Variants in YIPF5 observed in about 807,000 individuals in gnomAD.
YIPF5 encodes Yip1 domain family member 5.
A neutral mutation model predicts 30.4 loss-of-function variants in YIPF5; 8 were observed. The observed-to-expected ratio is 0.26, with a 90% CI of 0.15 to 0.47. The LOEUF (loss-of-function observed/expected upper bound fraction) is 0.47, where lower values mean the gene tolerates loss of function less well. Among genes scored for constraint, YIPF5 ranks in the 20% least tolerant of loss-of-function variants. The probability of loss-of-function intolerance (pLI) is 0.99; values close to 1 mark genes in which losing one functional copy is unlikely to be tolerated. For synonymous variants in YIPF5, 104 were observed against 107.9 expected (o/e 0.96, Z 0.23); for missense variants, 282 against 301.8 (o/e 0.93, Z 0.49).
chr5:144,164,090 A>G, intron 4 of YIPF5, 21 bp downstream of exon 4: 2 of 1,606,110 alleles, frequency 1.2e-6, no homozygotes, highest in Non-Finnish European at 1.7e-6. Flanking sequence ...TGCACCCTGA[A>G]GGTTGAAATG....
Position 144,158,969 on chromosome 5 carries a change from A to AAGTT in YIPF5, c.*1427_*1428insAACT, listed in dbSNP as rs1163930152. 2 of 985,136 alleles carry AAGTT rather than the reference A, an allele frequency of 2.0e-6. No individual in the cohort carries two copies. The highest frequency in any genetic ancestry group is 1.1e-4 in the East Asian group (1 of 8,808). 61.0% of individuals were successfully genotyped at this position (985,136 alleles called of 1,614,324 possible). On this transcript the variant is annotated 3_prime_UTR_variant, in exon 6 of 6. Transcript: ENST00000274496. ...CCTGTACCATATCTTTCTCGTAACT[A>AAGTT]TAACTGAGCTTTGTCCAGAATCAGA...
chr5:144,169,863 A>G lies in YIPF5; in HGVS notation c.93T>C (p.Ser31=). Residue 31 remains serine, a synonymous_variant, in exon 2 of 6, where the codon AGT becomes AGC. Transcript: ENST00000274496. ...AAAGTTACTTGCTATAGGGTCCTCC[A>G]CTTCCTCCATAATCATAGGACTGCT... ...QSQQSYDYGG[S]GGPYSKQYAG... The G allele has an allele frequency of 1.2e-6, 2 of 1,614,112 alleles. No homozygotes were observed. The highest frequency in any genetic ancestry group is 1.7e-6 in the Non-Finnish European group (2 of 1,179,950).
At position 144,160,032 on chromosome 5, in the gene YIPF5, T is replaced by C. The variant is rs1472508809; in HGVS notation, c.*365A>G. On this transcript the variant is annotated 3_prime_UTR_variant, in exon 6 of 6. Coordinates refer to ENST00000274496, the MANE Select transcript of YIPF5 (RefSeq NM_030799.9). ...CGTCTTGTGTCTTCTTTACTGTGAC[T>C]GGGTCGTTTTTAAGAAAGGTTATCA... is the stretch of plus-strand genomic sequence containing the variant. The C allele has an allele frequency of 5.0e-6, 5 of 994,578 alleles. No homozygotes were observed. The highest frequency in any genetic ancestry group is 6.0e-6 in the Non-Finnish European group (5 of 836,204). The allele number at this position is 994,578 out of a possible 1,614,324, so 61.6% of individuals were successfully genotyped here. A position where few individuals can be genotyped will look rare whatever the true frequency, so the allele number is the denominator to read the frequency against.
At chr5:144,170,144 T>C in intron 1 of YIPF5, 179 bp from the exon 2 acceptor site, 1 of 596,874 alleles carries the variant, frequency 1.7e-6, no homozygotes, top group Non-Finnish European at 3.0e-6. Context: ...AGTAAGAAAA[T>C]GTATATTCTT....
rs1399395791 is a variant in YIPF5 at position 144,159,499 on chromosome 5, A to G, written c.*898T>C. The G allele has an allele frequency of 7.1e-6, 7 of 980,362 alleles. No individual in the cohort carries two copies. Among genetic ancestry groups the G allele is most frequent in the Admixed American group, 6.6e-5 (1 of 15,058 alleles). The allele number at this position is 980,362 out of a possible 1,614,324, so 60.7% of individuals were successfully genotyped here. On this transcript the variant is annotated 3_prime_UTR_variant, in exon 6 of 6. Coordinates refer to ENST00000274496, the MANE Select transcript of YIPF5 (RefSeq NM_030799.9). ...TAAGTGTTCGCATTTCATGTCTACA[A>G]TAAGGTAGATTGTGAACTTCCCGTA...
chr5:144,165,833 C>T (rs765699215), intron 2 of YIPF5, among the ~76,000 whole-genome samples: 14 of 151,926 alleles, frequency 9.2e-5, no homozygotes, highest in Non-Finnish European at 1.0e-4. Context: ...CTTAATGATA[C>T]CAATATTCAC....
At chr5:144,167,085 C>T (rs1752223947) in intron 2 of YIPF5, among the ~76,000 whole-genome samples, 1 of 152,046 alleles carries the variant, frequency 6.6e-6, no homozygotes, top group African/African-American at 2.4e-5. Context: ...TCTCAAGGAC[C>T]CTCTGTAGTC....
intron 3 of YIPF5, among the ~76,000 whole-genome samples, chr5:144,164,700 C>A (rs1752153162): frequency 6.6e-6 from 1 of 151,974 alleles, no homozygotes; most frequent in Non-Finnish European, 1.5e-5. Context: ...CGTGCCTGGC[C>A]TGGATGATAT....
At chr5:144,170,509 C>T (rs1752347745) in intron 1 of YIPF5, 26 bp downstream of exon 1, 5 of 156,230 alleles carry the variant, frequency 3.2e-5, no homozygotes, top group Admixed American at 3.2e-4. Flanking sequence ...AAGCTGAACA[C>T]TGTGCCACGG....
chr5:144,164,112 A>G lies in YIPF5; in HGVS notation c.428T>C (p.Leu143Pro), dbSNP rs1311168039. The change falls in exon 4 of 6, where the codon CTG becomes CCG. Residue 143 changes from leucine (L) to proline (P), a missense_variant and splice_region_variant. Transcript: ENST00000274496. Reference protein sequence around the residue: ...FCLAFGATLLLAGKIQFGYVY... With the variant: ...FCLAFGATLLPAGKIQFGYVY... Reference sequence around the variant, plus strand: ...TGAAGGTTGAAATGAAAATCTTACCAGTAGCAATGTGGCTCCAAAAGCAAG... The same window carrying G: ...TGAAGGTTGAAATGAAAATCTTACCGGTAGCAATGTGGCTCCAAAAGCAAG... 1 of 1,610,790 alleles carries G rather than the reference A, an allele frequency of 6.2e-7. No homozygotes were observed. Among genetic ancestry groups the G allele is most frequent in the African/African-American group, 1.3e-5 (1 of 74,734 alleles).
chr5:144,168,435 T>C (rs1046816164), intron 2 of YIPF5, among the ~76,000 whole-genome samples: 3 of 152,194 alleles, frequency 2.0e-5, no homozygotes, highest in Non-Finnish European at 4.4e-5. Context: ...CGAAGCTGTG[T>C]TGCTGCTTTA....
chr5:144,160,078 C>A lies in YIPF5; in HGVS notation c.*319G>T. On this transcript the variant is annotated 3_prime_UTR_variant, in exon 6 of 6. Coordinates refer to ENST00000274496, the MANE Select transcript of YIPF5 (RefSeq NM_030799.9). ...TATCAGCTTTGTGTTTGGTTTCCCA[C>A]AGTTGATAAAAATCTATCAAAAACA... 9.8e-7 allele frequency: 1 copy of A among 1,019,896 alleles called. No homozygotes were observed. Among genetic ancestry groups the A allele is most frequent in the Non-Finnish European group, 1.2e-6 (1 of 853,144 alleles). The allele number at this position is 1,019,896 out of a possible 1,614,324, so 63.2% of individuals were successfully genotyped here.
At chr5:144,161,321 T>A (rs1485673308) in intron 5 of YIPF5, among the ~76,000 whole-genome samples, 2 of 145,064 alleles carry the variant, frequency 1.4e-5, no homozygotes, top group East Asian at 4.1e-4. Context: ...CGGTAATGTA[T>A]ACCTTTCCTT....
rs1167522189 is a variant in YIPF5 at position 144,159,495 on chromosome 5, T to C, written c.*902A>G. 5 of 980,372 alleles carry C rather than the reference T, an allele frequency of 5.1e-6. No homozygotes were observed. The South Asian group carries it at 1.9e-4, about 37-fold the overall frequency. The allele number at this position is 980,372 out of a possible 1,614,324, so 60.7% of individuals were successfully genotyped here. On this transcript the variant is annotated 3_prime_UTR_variant, in exon 6 of 6. Coordinates refer to ENST00000274496, the MANE Select transcript of YIPF5 (RefSeq NM_030799.9). ...TAAGTAAGTGTTCGCATTTCATGTC[T>C]ACAATAAGGTAGATTGTGAACTTCC...
chr5:144,158,270 CTA>C lies in YIPF5; in HGVS notation c.*2125_*2126del, dbSNP rs1580751150. On this transcript the variant is annotated 3_prime_UTR_variant, in exon 6 of 6. Transcript: ENST00000274496. The stretch of plus-strand genomic sequence containing the variant: ...ATACAACTCTGCATGTAATCAAACT[CTA>C]GAACATCAAATGCAACTCCACTGCA... 1 of 469,420 alleles carries C rather than the reference CTA, an allele frequency of 2.1e-6. No homozygotes were observed. Among genetic ancestry groups the C allele is most frequent in the East Asian group, 8.8e-5 (1 of 11,420 alleles). The allele number at this position is 469,420 out of a possible 1,614,324, so 29.1% of individuals were successfully genotyped here. A position where few individuals can be genotyped will look rare whatever the true frequency, so the allele number is the denominator to read the frequency against.
chr5:144,162,197 A>T, intron 5 of YIPF5, 21 bp downstream of exon 5: 1 of 1,606,610 alleles, frequency 6.2e-7, no homozygotes, highest in African/African-American at 1.3e-5. Flanking sequence ...ATCAACCCCC[A>T]AAATAAAGAA....
Position 144,158,415 on chromosome 5 carries a change from GT to G in YIPF5, c.*1981del, listed in dbSNP as rs1218476255. ...CTCTACAATAATTTAAACTAAAAAT[GT>G]TGTTGAGGATAGGGTAAACAACAAA... is the stretch of plus-strand genomic sequence containing the variant. On this transcript the variant is annotated 3_prime_UTR_variant, in exon 6 of 6. Coordinates refer to ENST00000274496, the MANE Select transcript of YIPF5 (RefSeq NM_030799.9). 1.3e-5 allele frequency: 16 copies of G among 1,249,502 alleles called. No individual in the cohort carries two copies. In the Admixed American group the frequency reaches 4.2e-4, roughly 33 times the overall value. 77.4% of individuals were successfully genotyped at this position (1,249,502 alleles called of 1,614,324 possible).
chr5:144,158,331 A>G lies in YIPF5; in HGVS notation c.*2066T>C. 1 of 867,366 alleles carries G rather than the reference A, an allele frequency of 1.2e-6. No individual in the cohort carries two copies. Among genetic ancestry groups the G allele is most frequent in the Non-Finnish European group, 1.6e-6 (1 of 630,844 alleles). 53.7% of individuals were successfully genotyped at this position (867,366 alleles called of 1,614,324 possible). On this transcript the variant is annotated 3_prime_UTR_variant, in exon 6 of 6. Coordinates refer to ENST00000274496, the MANE Select transcript of YIPF5 (RefSeq NM_030799.9). The stretch of plus-strand genomic sequence containing the variant: ...TTGACAGAGCAACAGTTAAGCATAA[A>G]ATAGCTTTGCACCTTATTATTTTGG...
intron 4 of YIPF5, among the ~76,000 whole-genome samples, chr5:144,163,559 C>T (rs1752111582): frequency 6.6e-6 from 1 of 152,072 alleles, no homozygotes; most frequent in African/African-American, 2.4e-5. Flanking sequence ...ATCCCATCTT[C>T]CGTATATTAC....
Sources: allele counts gnomAD v4.1 joint callset (sites outside exome capture counted in the v4.1 genomes callset), GRCh38; gene constraint gnomAD v4.1.1; transcripts MANE v1.5; gene names NCBI Gene and HGNC (gene_info 2026-07-23, HGNC 2026-07-21).